CACNA2D3: variants seen among roughly 807,000 people sequenced by gnomAD.
CACNA2D3 encodes the protein calcium voltage-gated channel auxiliary subunit alpha2delta 3.
CACNA2D3 carries 60 observed loss-of-function variants against 160.6 expected under a neutral mutation model. The ratio of observed to expected loss-of-function variants is 0.37; its 90% CI spans 0.30 to 0.46. CACNA2D3 has a LOEUF of 0.46. CACNA2D3 is among the 20% of genes least tolerant of loss of function. CACNA2D3 has a pLI of 1.00. For missense variants in CACNA2D3, 1,205 were observed against 1,365.0 expected (o/e 0.88, Z 1.85); for synonymous variants, 558 against 492.9 (o/e 1.13, Z -1.75).
intron 2 of CACNA2D3, among the ~76,000 whole-genome samples, chr3:54,133,161 G>A (rs1020033805): frequency 6.6e-6 from 1 of 152,066 alleles, no homozygotes; most frequent in African/African-American, 2.4e-5. Context: ...GGGGTTTTCG[G>A]CAGTAATAAT....
rs150085166 is a variant in CACNA2D3 at position 55,019,892 on chromosome 3, A to G, written c.2987+1575A>G. On this transcript the variant is annotated intron_variant, in intron 35 of 37. Coordinates refer to ENST00000474759, the MANE Select transcript of CACNA2D3 (RefSeq NM_018398.3). ...AAGGACTTTTTTATTGTCATAAAAT[A>G]TAAAGAATATAAAATTTACCATTTA... 8.5e-3 allele frequency among the ~76,000 whole-genome samples: 1,297 copies of G among 152,300 alleles called. 16 individuals are homozygous for G. Among genetic ancestry groups the G allele is most frequent in the Non-Finnish European group, 0.014 (961 of 68,008 alleles).
At chr3:54,809,241 C>T (rs1470736189) in intron 13 of CACNA2D3, among the ~76,000 whole-genome samples, 1 of 149,044 alleles carries the variant, frequency 6.7e-6, no homozygotes, top group Non-Finnish European at 1.5e-5. Flanking sequence ...TCTTTCTCTC[C>T]CTCTCTCTTC....
intron 2 of CACNA2D3, among the ~76,000 whole-genome samples, chr3:54,124,338 C>T (rs1306000749): frequency 6.6e-6 from 1 of 152,038 alleles, no homozygotes; most frequent in Non-Finnish European, 1.5e-5. Context: ...ATAAATGGTC[C>T]TTCGTTCTCC....
intron 2 of CACNA2D3, among the ~76,000 whole-genome samples, chr3:54,212,915 T>A (rs532967102): frequency 1.3e-5 from 2 of 152,150 alleles, no homozygotes; most frequent in Non-Finnish European, 2.9e-5. Context: ...ATTAATGAGA[T>A]GATGCTGGAA....
At chr3:54,415,092 T>A (rs1330934297) in intron 4 of CACNA2D3, among the ~76,000 whole-genome samples, 1 of 152,132 alleles carries the variant, frequency 6.6e-6, no homozygotes, top group Non-Finnish European at 1.5e-5. Flanking sequence ...GACAAACCCT[T>A]CATGGTTCTG....
intron 35 of CACNA2D3, among the ~76,000 whole-genome samples, chr3:55,025,338 T>C (rs1325664673): frequency 6.6e-6 from 1 of 152,038 alleles, no homozygotes; most frequent in Non-Finnish European, 1.5e-5. Context: ...ATGGATAAGA[T>C]ACAAAGGTGA....
At chr3:54,466,342 A>T (rs761088941) in intron 4 of CACNA2D3, among the ~76,000 whole-genome samples, 4 of 152,222 alleles carry the variant, frequency 2.6e-5, no homozygotes, top group Non-Finnish European at 5.9e-5. Context: ...TAATTTTTAC[A>T]CTGTTAAATT....
chr3:54,694,424 A>G (rs1700625155), intron 11 of CACNA2D3, among the ~76,000 whole-genome samples: 2 of 152,244 alleles, frequency 1.3e-5, no homozygotes, highest in African/African-American at 4.8e-5. Context: ...TATCCCTGTT[A>G]TTAAATGACA....
intron 4 of CACNA2D3, among the ~76,000 whole-genome samples, chr3:54,410,517 T>G (rs1699648907): frequency 6.6e-6 from 1 of 152,154 alleles, no homozygotes; most frequent in Non-Finnish European, 1.5e-5. Context: ...AGAGTTATGC[T>G]AAATCTACCA....
chr3:54,974,119 G>A (rs1166703288), intron 29 of CACNA2D3, among the ~76,000 whole-genome samples: 1 of 152,154 alleles, frequency 6.6e-6, no homozygotes, highest in African/African-American at 2.4e-5. Context: ...CCAGTCAGCC[G>A]GGACCTCCTG....
At chr3:54,766,366 A>T (rs1702223931) in intron 13 of CACNA2D3, among the ~76,000 whole-genome samples, 1 of 152,230 alleles carries the variant, frequency 6.6e-6, no homozygotes, top group Non-Finnish European at 1.5e-5. Flanking sequence ...GCTTTTAAAC[A>T]TAAGATGTAC....
At chr3:54,181,028 A>T (rs546404601) in intron 2 of CACNA2D3, among the ~76,000 whole-genome samples, 85 of 152,232 alleles carry the variant, frequency 5.6e-4, no homozygotes, top group African/African-American at 2.0e-3. Flanking sequence ...CCTGCCCCCC[A>T]CCATATATAA....
intron 4 of CACNA2D3, among the ~76,000 whole-genome samples, chr3:54,469,542 C>A (rs182563860): frequency 6.6e-6 from 1 of 152,040 alleles, no homozygotes; most frequent in African/African-American, 2.4e-5. Context: ...ATCACAACGC[C>A]TTGACAGCAA....
intron 2 of CACNA2D3, among the ~76,000 whole-genome samples, chr3:54,246,717 T>A (rs1702087770): frequency 7.1e-6 from 1 of 140,160 alleles, no homozygotes; most frequent in Admixed American, 6.8e-5. Flanking sequence ...GGAGAGAAAC[T>A]CCATCTCAAA....
Position 55,073,818 on chromosome 3 carries a change from A to T in CACNA2D3, c.3142A>T (p.Ile1048Phe). Residue 1048 changes from isoleucine (I) to phenylalanine (F), a missense_variant, in exon 37 of 38, where the codon ATC becomes TTC. By Grantham distance (21) the Ile-to-Phe change is conservative (BLOSUM62 0). Around this residue, in one of 3 missense-constraint regions of CACNA2D3, gnomAD observed 911 missense variants for 1,002.2 expected, o/e 0.91. Coordinates refer to ENST00000474759, the MANE Select transcript of CACNA2D3 (RefSeq NM_018398.3). Reference protein sequence around the residue: ...LKCERLKAQKIRRRPESCHGF... With the variant: ...LKCERLKAQKFRRRPESCHGF... ...GTGTGAACGTCTAAAGGCCCAGAAG[A>T]TCAGAAGGCGCCCAGAATCTTGTCA... is the stretch of plus-strand genomic sequence containing the variant. 1.2e-6 allele frequency: 2 copies of T among 1,613,868 alleles called. No homozygotes were observed. The highest frequency in any genetic ancestry group is 1.7e-5 in the Admixed American group (1 of 60,016).
At chr3:54,602,497 C>CAAAAAA (rs1156290031) in intron 9 of CACNA2D3, among the ~76,000 whole-genome samples, 11 of 71,082 alleles carry the variant, frequency 1.5e-4, no homozygotes, top group East Asian at 5.7e-4. Flanking sequence ...GATTCCATCT[C>CAAAAAA]AAAAAAAAAA....
chr3:54,336,004 CAAAAAA>C (rs60465412), intron 3 of CACNA2D3, among the ~76,000 whole-genome samples: 13 of 74,548 alleles, frequency 1.7e-4, no homozygotes, highest in Non-Finnish European at 2.4e-4. Context: ...GACTCCGTCT[CAAAAAA>C]AAAAAAAAAA....
At chr3:54,818,347 A>AT (rs1221359498) in intron 14 of CACNA2D3, among the ~76,000 whole-genome samples, 4 of 152,054 alleles carry the variant, frequency 2.6e-5, no homozygotes, top group Non-Finnish European at 5.9e-5. Context: ...CACCTGGCTT[A>AT]TTTTTGTATT....
chr3:54,447,316 AAAAG>A (rs748850585), intron 4 of CACNA2D3, among the ~76,000 whole-genome samples: 1 of 152,230 alleles, frequency 6.6e-6, no homozygotes, highest in Non-Finnish European at 1.5e-5. Flanking sequence ...ATGAAAAGAA[AAAAG>A]AAGAAAAATC....
Sources: allele counts gnomAD v4.1 joint callset (sites outside exome capture counted in the v4.1 genomes callset), GRCh38; gene constraint gnomAD v4.1.1; regional missense constraint gnomAD v4.1.1; transcripts MANE v1.5; gene names NCBI Gene and HGNC (gene_info 2026-07-23, HGNC 2026-07-21).